ZNF600: variants seen among roughly 807,000 people sequenced by gnomAD.
The protein encoded by ZNF600 is zinc finger protein 600, also known as zinc finger protein KR-ZNF1.
A neutral mutation model predicts 7.3 loss-of-function variants in ZNF600; 4 were observed. The observed-to-expected ratio is 0.55, with a 90% CI of 0.27 to 1.25. The LOEUF (loss-of-function observed/expected upper bound fraction) is 1.25, where lower values mean the gene tolerates loss of function less well. Among genes scored for constraint, ZNF600 ranks in the 50% most tolerant of loss-of-function variants. The pLI, the probability that ZNF600 is intolerant of heterozygous loss-of-function variation, is 0.12. For missense variants in ZNF600, 911 were observed against 922.1 expected, an observed-to-expected ratio of 0.99 and a Z score of 0.16; for synonymous variants, 290 against 308.9, an observed-to-expected ratio of 0.94 and a Z score of 0.64.
upstream of ZNF600, among the ~76,000 whole-genome samples, chr19:52,788,774 G>T (rs907565696): frequency 4.6e-5 from 7 of 152,158 alleles, no homozygotes; most frequent in Admixed American, 3.3e-4. Context: ...CTGCCTTGAT[G>T]TTCAATGCTG....
the ZNF600 span, chr19:52,801,416 G>A: frequency 1.9e-6 from 3 of 1,614,094 alleles, no homozygotes; most frequent in Admixed American, 3.3e-5. Context: ...GCGAATGAAA[G>A]CTTAATCCAA....
chr19:52,811,583 A>C, the ZNF600 span, among the ~76,000 whole-genome samples: 3 of 130,348 alleles, frequency 2.3e-5, no homozygotes, highest in Admixed American at 7.6e-5. Context: ...GCTGGGCCGC[A>C]ACCCTGTCTG....
At chr19:52,828,469 A>C in the ZNF600 span, among the ~76,000 whole-genome samples, 1 of 152,178 alleles carries the variant, frequency 6.6e-6, no homozygotes, top group African/African-American at 2.4e-5. Context: ...TTTCTCTCAA[A>C]AAAGAAAAGA....
At chr19:52,828,015 C>T in the ZNF600 span, among the ~76,000 whole-genome samples, 3 of 152,074 alleles carry the variant, frequency 2.0e-5, no homozygotes, top group Admixed American at 1.3e-4. Flanking sequence ...CAAGTATATC[C>T]ATGCAAAACA....
At chr19:52,772,485 C>T (rs2062637937) in intron 3 of ZNF600, among the ~76,000 whole-genome samples, 1 of 152,104 alleles carries the variant, frequency 6.6e-6, no homozygotes, top group Non-Finnish European at 1.5e-5. Flanking sequence ...TGCCTGTAAT[C>T]CCAGCTACTT....
the ZNF600 span, among the ~76,000 whole-genome samples, chr19:52,801,959 TAAG>T: frequency 1.3e-5 from 2 of 152,150 alleles, no homozygotes; most frequent in Admixed American, 1.3e-4. Flanking sequence ...GAGCCTAAAG[TAAG>T]GAGTGTTTTT....
At position 52,786,800 on chromosome 19, in the gene ZNF600, G is replaced by T. The variant is rs567554021; in HGVS notation, c.-225C>A. On this transcript the variant is annotated 5_prime_UTR_variant, in exon 1 of 4. Transcript: ENST00000648973. ...TGTGCGCGCCCAGGACTGAAGCCAG[G>T]CCGGGGCAGGTTGGCTGGACCTGGG... 99 of 364,802 alleles carry T rather than the reference G, an allele frequency of 2.7e-4. 1 individual carries two copies. The highest frequency in any genetic ancestry group is 1.5e-3 in the African/African-American group (73 of 48,416). 22.6% of individuals were successfully genotyped at this position (364,802 alleles called of 1,614,324 possible).
At chr19:52,783,776 C>CT (rs920100123) in intron 1 of ZNF600, among the ~76,000 whole-genome samples, 1 of 152,056 alleles carries the variant, frequency 6.6e-6, no homozygotes, top group Non-Finnish European at 1.5e-5. Context: ...TTGCTCCATT[C>CT]TTTTTTGTTT....
the ZNF600 span, chr19:52,799,000 GT>G: frequency 1.1e-6 from 1 of 883,500 alleles, no homozygotes; most frequent in East Asian, 3.7e-5. Context: ...CAAAAGCCTT[GT>G]TACAAACCTT....
the ZNF600 span, among the ~76,000 whole-genome samples, chr19:52,809,559 G>A: frequency 6.6e-6 from 1 of 152,210 alleles, no homozygotes; most frequent in African/African-American, 2.4e-5. Context: ...TGTAATCCCA[G>A]CACTTTAAGA....
intron 3 of ZNF600, among the ~76,000 whole-genome samples, chr19:52,769,118 C>T (rs924337502): frequency 4.6e-4 from 70 of 152,218 alleles, no homozygotes; most frequent in African/African-American, 1.6e-3. Flanking sequence ...CTAGTGGTAG[C>T]ATCAGTGCCA....
chr19:52,769,156 C>T (rs1336650649), intron 3 of ZNF600, among the ~76,000 whole-genome samples: 4 of 152,168 alleles, frequency 2.6e-5, no homozygotes, highest in East Asian at 3.9e-4. Flanking sequence ...CTTAGCAGAC[C>T]GGGAAAGGGA....
the ZNF600 span, among the ~76,000 whole-genome samples, chr19:52,811,938 GCGCC>G: frequency 1.2e-5 from 1 of 82,028 alleles, no homozygotes; most frequent in Non-Finnish European, 2.5e-5. Context: ...GAGGTGAGGG[GCGCC>G]TCTGCCCGGC....
the ZNF600 span, among the ~76,000 whole-genome samples, chr19:52,815,103 A>T: frequency 4.9e-4 from 15 of 30,626 alleles, 5 homozygotes; most frequent in African/African-American, 1.2e-3. Context: ...ATATATATTT[A>T]TATATATATA....
the ZNF600 span, among the ~76,000 whole-genome samples, chr19:52,820,438 C>T: frequency 3.3e-5 from 5 of 151,322 alleles, 1 homozygote; most frequent in Non-Finnish European, 7.4e-5. Context: ...TCTTGTTGGT[C>T]CTTCTCCCCA....
the ZNF600 span, among the ~76,000 whole-genome samples, chr19:52,830,098 AC>A: frequency 6.6e-6 from 1 of 151,060 alleles, no homozygotes; most frequent in Non-Finnish European, 1.5e-5. Context: ...ACATGGAAAA[AC>A]CCCGTCTCTA....
intron 2 of ZNF600, among the ~76,000 whole-genome samples, chr19:52,776,416 CTT>C (rs111582666): frequency 1.4e-5 from 2 of 146,096 alleles, no homozygotes; most frequent in Non-Finnish European, 1.5e-5. Context: ...ATACTTCTTA[CTT>C]TTTTTTTTTT....
chr19:52,774,842 C>G (rs2147524844), intron 2 of ZNF600, 141 bp from the exon 5 acceptor site: 1 of 973,900 alleles, frequency 1.0e-6, no homozygotes, highest in South Asian at 4.8e-5. Context: ...TATTTTTTCC[C>G]TATAGTTGCA....
the ZNF600 span, among the ~76,000 whole-genome samples, chr19:52,793,908 T>A: frequency 6.6e-6 from 1 of 152,198 alleles, no homozygotes; most frequent in South Asian, 2.1e-4. Flanking sequence ...AAGGAATTTA[T>A]CTCCCATATT....
Sources: gnomAD v4.1 joint callset for allele counts (sites outside exome capture counted in the v4.1 genomes callset) on GRCh38, gnomAD v4.1.1 for gene constraint, MANE v1.5 for transcripts, NCBI Gene and HGNC (gene_info 2026-07-23, HGNC 2026-07-21) for gene names.